Variants in SLC18A2 observed in about 807,000 individuals in gnomAD.
SLC18A2 encodes solute carrier family 18 member A2, also known as synaptic vesicular amine transporter.
A neutral mutation model predicts 59.2 loss-of-function variants in SLC18A2; 33 were observed. The observed-to-expected ratio is 0.56, with a 90% CI of 0.42 to 0.75. SLC18A2 has a LOEUF of 0.75. SLC18A2 is among the 30% of genes least tolerant of loss of function. The pLI is 0.00. For synonymous variants in SLC18A2, 228 were observed against 253.5 expected (o/e 0.90, Z 0.95); for missense variants, 569 against 668.6 (o/e 0.85, Z 1.64).
chr10:117,246,909 C>T (rs972647914), intron 3 of SLC18A2, among the ~76,000 whole-genome samples: 1 of 152,198 alleles, frequency 6.6e-6, no homozygotes, highest in African/African-American at 2.4e-5. Context: ...CCACCTCGGC[C>T]TCCCAAAGTG....
intron 10 of SLC18A2, among the ~76,000 whole-genome samples, chr10:117,258,338 C>T (rs1321822858): frequency 2.0e-5 from 3 of 152,218 alleles, no homozygotes; most frequent in African/African-American, 7.2e-5. Context: ...ATTTCATGCT[C>T]ATCTTTCTCC....
chr10:117,244,771 C>T (rs953281376), intron 3 of SLC18A2, among the ~76,000 whole-genome samples: 2 of 152,212 alleles, frequency 1.3e-5, no homozygotes, highest in African/African-American at 4.8e-5. Context: ...GTTAAAGCCT[C>T]TCACAGATAC....
At position 117,242,438 on chromosome 10, in the gene SLC18A2, T is replaced by TA. The variant is rs11313765; in HGVS notation, c.121+635dup. Among the ~76,000 whole-genome samples the TA allele has an allele frequency of 2.1e-3, 311 of 147,638 alleles. 1 individual carries two copies. The highest frequency in any genetic ancestry group is 4.1e-3 in the South Asian group (19 of 4,610). ...GAGAAGTATTTGGCATGCATTTCCTTAAAAAAAAAAATCCCAGTTTTTAAT... is the reference window on the plus strand; with the variant it reads ...GAGAAGTATTTGGCATGCATTTCCTTAAAAAAAAAAAATCCCAGTTTTTAAT... On this transcript the variant is annotated intron_variant, in intron 2 of 15. Transcript: ENST00000644641.
At position 117,255,512 on chromosome 10, in the gene SLC18A2, T is replaced by C. The variant is rs1385580987; in HGVS notation, c.824T>C (p.Val275Ala). The C allele has an allele frequency of 6.2e-6, 10 of 1,613,908 alleles. No homozygotes were observed. The African/African-American group carries it at 8.0e-5, about 13-fold the overall frequency. The change falls in exon 8 of 16, where the codon GTG becomes GCG. Residue 275 changes from valine (V) to alanine (A), a missense_variant. Physicochemically the swap from Val to Ala is moderately conservative, Grantham distance 64 (BLOSUM62 0). Transcript: ENST00000644641. The part of the protein sequence containing the change: ...IQLFVLQPSR[V>A]QPESQKGTPL... ...CTCTTTGTGCTCCAGCCGTCCCGGGTGCAGCCAGAGGTAAGCGGCTGGGAA... is the reference window on the plus strand; with the variant it reads ...CTCTTTGTGCTCCAGCCGTCCCGGGCGCAGCCAGAGGTAAGCGGCTGGGAA...
chr10:117,279,087 G>T lies in SLC18A2; in HGVS notation c.*1821G>T, dbSNP rs948144791. 1 of 152,202 alleles carries T rather than the reference G, an allele frequency of 6.6e-6. No individual in the cohort carries two copies. Among genetic ancestry groups the T allele is most frequent in the Admixed American group, 6.5e-5 (1 of 15,282 alleles). 9.4% of individuals were successfully genotyped at this position (152,202 alleles called of 1,614,324 possible). A position where few individuals can be genotyped will look rare whatever the true frequency, so the allele number is the denominator to read the frequency against. ...AAGGCCTGGCAAAGGTATGCCTGCT[G>T]TTGGTCCCTCGGGATAAGATAAAAT... On this transcript the variant is annotated 3_prime_UTR_variant, in exon 16 of 16. Transcript: ENST00000644641.
chr10:117,253,980 C>T (rs542695957), intron 4 of SLC18A2, 68 bp from the exon 5 acceptor site: 1,088 of 1,444,208 alleles, frequency 7.5e-4, no homozygotes, highest in East Asian at 1.3e-3. Flanking sequence ...GCTTCTGAAA[C>T]GTTCCTGTTT....
intron 10 of SLC18A2, among the ~76,000 whole-genome samples, chr10:117,265,266 C>T (rs907917214): frequency 6.6e-6 from 1 of 152,164 alleles, no homozygotes; most frequent in Non-Finnish European, 1.5e-5. Flanking sequence ...GAAGACTCAG[C>T]CTGTTTCTGG....
rs964178026 is a variant in SLC18A2, at chr10:117,269,529, C to T, written c.1187-542C>T. Among the ~76,000 whole-genome samples the T allele has an allele frequency of 6.6e-6, 1 of 152,170 alleles. No homozygotes were observed. The highest frequency in any genetic ancestry group is 6.5e-5 in the Admixed American group (1 of 15,278). On this transcript the variant is annotated intron_variant, in intron 13 of 15. Coordinates refer to ENST00000644641, the MANE Select transcript of SLC18A2 (RefSeq NM_003054.6). The surrounding 1 kb of genome is among the most constrained non-coding windows in gnomAD (Gnocchi z 5.1). The stretch of plus-strand genomic sequence containing the variant: ...GATGGTGTGTGTTCAGAGTTCCTGG[C>T]TCAGACTCCCTGGCTCAGTGAGTGT...
chr10:117,263,395 A>G (rs185463361), intron 10 of SLC18A2, among the ~76,000 whole-genome samples: 1 of 152,228 alleles, frequency 6.6e-6, no homozygotes, highest in Non-Finnish European at 1.5e-5. Flanking sequence ...GCTTCCCTTC[A>G]CTGTTTCTGG....
chr10:117,271,927 ATG>A (rs913702726), intron 15 of SLC18A2, among the ~76,000 whole-genome samples: 5 of 152,132 alleles, frequency 3.3e-5, no homozygotes, highest in African/African-American at 9.7e-5. Context: ...ATGTGTGTAT[ATG>A]TGTTTGTGTG....
intron 5 of SLC18A2, 40 bp from the exon 6 acceptor site, chr10:117,254,365 C>T (rs184073339): frequency 1.4e-4 from 211 of 1,505,592 alleles, no homozygotes; most frequent in Non-Finnish European, 1.8e-4. Flanking sequence ...TTTTGCTGTT[C>T]CCCGGAGCTG....
intron 6 of SLC18A2, among the ~76,000 whole-genome samples, 176 bp downstream of exon 6, chr10:117,254,673 C>A (rs1844205791): frequency 6.6e-6 from 1 of 152,202 alleles, no homozygotes; most frequent in African/African-American, 2.4e-5. Context: ...GAGCCCTGAG[C>A]TGGGGGTGGA....
At position 117,273,383 on chromosome 10, in the gene SLC18A2, T is replaced by C. The variant is rs546775466; in HGVS notation, c.1440+2920T>C. 4.6e-5 allele frequency among the ~76,000 whole-genome samples: 7 copies of C among 152,340 alleles called. No homozygotes were observed. In the South Asian group the frequency reaches 1.0e-3, roughly 23 times the overall value. Reference sequence around the variant, plus strand: ...GAAGAGCTGTGTTGCGGATTTTTTTTTCCAGGTTGAAGAATTATTTTTAAA... The same window carrying C: ...GAAGAGCTGTGTTGCGGATTTTTTTCTCCAGGTTGAAGAATTATTTTTAAA... On this transcript the variant is annotated intron_variant, in intron 15 of 15. Transcript: ENST00000644641.
intron 8 of SLC18A2, 29 bp from the exon 9 acceptor site, chr10:117,255,568 G>T: frequency 6.2e-7 from 1 of 1,614,122 alleles, no homozygotes; most frequent in Middle Eastern, 1.7e-4. Context: ...GCATGGTGCT[G>T]CTTCTGACCC....
intron 2 of SLC18A2, 146 bp downstream of exon 2, chr10:117,241,960 A>T (rs1844060821): frequency 1.3e-6 from 1 of 791,448 alleles, no homozygotes; most frequent in African/African-American, 1.8e-5. Context: ...CATCCCCTCC[A>T]GGCTGCCGCG....
At chr10:117,253,739 G>A (rs1376071770) in intron 4 of SLC18A2, among the ~76,000 whole-genome samples, 2 of 152,160 alleles carry the variant, frequency 1.3e-5, no homozygotes, top group Non-Finnish European at 2.9e-5. Flanking sequence ...CCAGCTACTG[G>A]GGAGGCTGAG....
At chr10:117,257,324 T>A (rs2133735690) in intron 9 of SLC18A2, among the ~76,000 whole-genome samples, 1 of 152,012 alleles carries the variant, frequency 6.6e-6, no homozygotes, top group South Asian at 2.1e-4. Flanking sequence ...CTGTACTGAA[T>A]GCACCTGATC....
At chr10:117,257,008 G>A (rs1300752741) in intron 9 of SLC18A2, among the ~76,000 whole-genome samples, 2 of 152,206 alleles carry the variant, frequency 1.3e-5, no homozygotes, top group Admixed American at 6.5e-5. Context: ...CCAAGTGGCT[G>A]TCCACTTGAG....
chr10:117,255,721 G>A, intron 9 of SLC18A2, 64 bp downstream of exon 9: 1 of 1,478,494 alleles, frequency 6.8e-7, no homozygotes, highest in Non-Finnish European at 9.3e-7. Context: ...CTGGAGGCAG[G>A]GGTGGATGGC....
Sources: gnomAD v4.1 joint callset for allele counts (sites outside exome capture counted in the v4.1 genomes callset) on GRCh38, gnomAD v4.1.1 for gene constraint, Gnocchi (gnomAD v3.1) non-coding constraint, MANE v1.5 for transcripts, NCBI Gene and HGNC (gene_info 2026-07-23, HGNC 2026-07-21) for gene names.